Variants in CSMD1 observed in about 807,000 individuals in gnomAD.
The protein encoded by CSMD1 is CUB and sushi domain-containing protein 1.
Under a neutral mutation model 417.5 loss-of-function variants are expected in CSMD1, and 213 were observed. That is an observed-to-expected ratio of 0.51 (90% CI 0.46 to 0.57). The LOEUF is 0.57. Ranked by LOEUF, CSMD1 falls within the 20% of genes least tolerant of loss-of-function variation. CSMD1 has a pLI of 0.00. For synonymous variants in CSMD1, 2,862 were observed against 1,736.8 expected (o/e 1.65, Z -16.11); for missense variants, 6,923 against 4,529.7 (o/e 1.53, Z -15.17).
chr8:2,940,275 G>C (rs866070975), intron 69 of CSMD1, among the ~76,000 whole-genome samples: 3 of 152,230 alleles, frequency 2.0e-5, no homozygotes, highest in East Asian at 3.9e-4. Flanking sequence ...ACCATCCCTC[G>C]CTCCTATGGC....
intron 7 of CSMD1, among the ~76,000 whole-genome samples, chr8:3,683,702 G>C (rs1177659943): frequency 3.9e-5 from 6 of 152,078 alleles, no homozygotes; most frequent in Admixed American, 1.3e-4. Flanking sequence ...TAGACAGAAA[G>C]AGGCTCAAGC....
intron 33 of CSMD1, among the ~76,000 whole-genome samples, chr8:3,192,836 A>C (rs1585613414): frequency 1.3e-5 from 2 of 152,138 alleles, no homozygotes; most frequent in African/African-American, 4.8e-5. Flanking sequence ...TTGGATATTC[A>C]GATTAGGGAT....
chr8:4,515,728 G>C (rs1010866397), intron 2 of CSMD1, among the ~76,000 whole-genome samples: 3 of 152,128 alleles, frequency 2.0e-5, no homozygotes, highest in African/African-American at 7.2e-5. Flanking sequence ...TATGAGCCCT[G>C]TAGAGCCCAG....
chr8:4,968,905 C>A lies in CSMD1; in HGVS notation c.85+25427G>T, dbSNP rs138364166. 8.8e-3 allele frequency among the ~76,000 whole-genome samples: 1,341 copies of A among 152,308 alleles called. 19 individuals are homozygous for A. Among genetic ancestry groups the A allele is most frequent in the African/African-American group, 0.031 (1,278 of 41,570 alleles). On this transcript the variant is annotated intron_variant, in intron 1 of 69. Transcript: ENST00000635120. The stretch of plus-strand genomic sequence containing the variant: ...AGTCTGTCTCTCGGGTTGCCACCAA[C>A]TACTGCAATGCTCAGCCCAAACATT...
chr8:3,904,599 T>C (rs764550548), intron 5 of CSMD1, among the ~76,000 whole-genome samples: 24 of 151,946 alleles, frequency 1.6e-4, no homozygotes, highest in Non-Finnish European at 3.4e-4. Flanking sequence ...AAATATATTT[T>C]TTATTTCCTT....
At chr8:4,764,316 G>A (rs568220337) in intron 1 of CSMD1, among the ~76,000 whole-genome samples, 1 of 152,146 alleles carries the variant, frequency 6.6e-6, no homozygotes, top group South Asian at 2.1e-4. Flanking sequence ...ATATAGTAGA[G>A]CAAAATGTAT....
chr8:4,456,738 T>C (rs1286137662), intron 2 of CSMD1, among the ~76,000 whole-genome samples: 2 of 152,142 alleles, frequency 1.3e-5, no homozygotes, highest in East Asian at 3.9e-4. Context: ...CAGTCCTTAC[T>C]GTCTAGTTGC....
chr8:4,781,820 A>G (rs1314542013), intron 1 of CSMD1, among the ~76,000 whole-genome samples: 3 of 152,224 alleles, frequency 2.0e-5, no homozygotes, highest in Non-Finnish European at 4.4e-5. Context: ...CCAGTAAAAC[A>G]TCATTCACGA....
At chr8:4,495,542 T>C (rs1801938963) in intron 2 of CSMD1, among the ~76,000 whole-genome samples, 1 of 151,846 alleles carries the variant, frequency 6.6e-6, no homozygotes, top group African/African-American at 2.4e-5. Context: ...GCCACTGCAC[T>C]CTAGCCTGGG....
intron 4 of CSMD1, among the ~76,000 whole-genome samples, chr8:4,030,233 G>A (rs543380556): frequency 2.0e-5 from 3 of 152,280 alleles, no homozygotes; most frequent in South Asian, 4.1e-4. Flanking sequence ...ACTCTGTGGG[G>A]GAGCTCTGAC....
chr8:4,699,490 G>A (rs1056424860), intron 1 of CSMD1, among the ~76,000 whole-genome samples: 4 of 152,130 alleles, frequency 2.6e-5, no homozygotes, highest in African/African-American at 9.7e-5. Context: ...GTGCTAATGA[G>A]AAAGTCAAAG....
chr8:4,347,132 G>A (rs573505946), intron 3 of CSMD1, among the ~76,000 whole-genome samples: 2 of 152,258 alleles, frequency 1.3e-5, no homozygotes, highest in South Asian at 2.1e-4. Flanking sequence ...AAAGATGAAT[G>A]ATTTTAGCAC....
chr8:4,921,389 T>C (rs1001114725), intron 1 of CSMD1, among the ~76,000 whole-genome samples: 4 of 152,240 alleles, frequency 2.6e-5, no homozygotes, highest in African/African-American at 9.6e-5. Flanking sequence ...CATTATTTAA[T>C]ATGAAACATG....
At position 4,365,108 on chromosome 8, in the gene CSMD1, T is replaced by A. The variant is rs190200845; in HGVS notation, c.415+54845A>T. ...AGTTTACAAGAAAAAGTTTAAATACTTTAAGTGTGTAGACATATAGTGAAC... is the reference window on the plus strand; with the variant it reads ...AGTTTACAAGAAAAAGTTTAAATACATTAAGTGTGTAGACATATAGTGAAC... On this transcript the variant is annotated intron_variant, in intron 3 of 69. Transcript: ENST00000635120. Among the ~76,000 whole-genome samples the A allele has an allele frequency of 7.6e-3, 1,163 of 152,298 alleles. 8 individuals carry two copies. The highest frequency in any genetic ancestry group is 9.6e-3 in the Non-Finnish European group (651 of 68,014).
At chr8:4,300,251 G>T (rs771741781) in intron 3 of CSMD1, among the ~76,000 whole-genome samples, 4 of 152,204 alleles carry the variant, frequency 2.6e-5, no homozygotes, top group African/African-American at 9.7e-5. Flanking sequence ...TGTAAACACA[G>T]AGCTTTCTGC....
chr8:4,694,077 C>CA (rs1291740959), intron 1 of CSMD1, among the ~76,000 whole-genome samples: 1 of 151,990 alleles, frequency 6.6e-6, no homozygotes, highest in Non-Finnish European at 1.5e-5. Flanking sequence ...CATCCTATTC[C>CA]AAAAAAAGAC....
intron 46 of CSMD1, among the ~76,000 whole-genome samples, chr8:3,100,089 C>T (rs1815621740): frequency 6.6e-6 from 1 of 152,006 alleles, no homozygotes; most frequent in Admixed American, 6.5e-5. Flanking sequence ...CTCTGTCACC[C>T]AAGCCAGGCT....
At chr8:4,566,065 T>C (rs377331529) in intron 2 of CSMD1, among the ~76,000 whole-genome samples, 2 of 152,056 alleles carry the variant, frequency 1.3e-5, no homozygotes, top group Admixed American at 6.6e-5. Flanking sequence ...CTATGAGATA[T>C]ATTAACTCTG....
At chr8:4,296,722 G>C (rs989690014) in intron 3 of CSMD1, among the ~76,000 whole-genome samples, 1 of 126,100 alleles carries the variant, frequency 7.9e-6, no homozygotes, top group Non-Finnish European at 1.7e-5. Context: ...TTTTCTCCAG[G>C]GCTTACACTC....
Sources: gnomAD v4.1 joint callset for allele counts (sites outside exome capture counted in the v4.1 genomes callset) on GRCh38, gnomAD v4.1.1 for gene constraint, MANE v1.5 for transcripts, NCBI Gene and HGNC (gene_info 2026-07-23, HGNC 2026-07-21) for gene names.